Variants in SND1 observed in about 807,000 individuals in gnomAD.
SND1 encodes the protein staphylococcal nuclease domain-containing protein 1.
SND1 carries 38 observed loss-of-function variants against 121.7 expected under a neutral mutation model. The ratio of observed to expected loss-of-function variants is 0.31; its 90% CI spans 0.24 to 0.41. The LOEUF is 0.41. SND1 is among the 10% of genes least tolerant of loss of function. The pLI, the probability that SND1 is intolerant of heterozygous loss-of-function variation, is 1.00. For synonymous variants in SND1, 401 were observed against 447.4 expected (o/e 0.90, Z 1.31); for missense variants, 868 against 1,184.6 (o/e 0.73, Z 3.92).
chr7:128,083,166 T>G (rs1437987119), intron 18 of SND1, among the ~76,000 whole-genome samples: 2 of 152,202 alleles, frequency 1.3e-5, no homozygotes, highest in African/African-American at 4.8e-5. Flanking sequence ...AGAGTCTGTC[T>G]TCAAGAGGGA....
At chr7:127,915,425 T>G (rs1243452001) in intron 14 of SND1, among the ~76,000 whole-genome samples, 1 of 152,248 alleles carries the variant, frequency 6.6e-6, no homozygotes, top group Non-Finnish European at 1.5e-5. Flanking sequence ...TCTCCTGAGT[T>G]CTTTTACTGC....
intron 17 of SND1, 26 bp from the exon 18 acceptor site, chr7:128,081,334 C>T: frequency 6.2e-7 from 1 of 1,613,664 alleles, no homozygotes; most frequent in South Asian, 1.1e-5. Context: ...TCGCCCTCTT[C>T]TCACCTCTGC....
chr7:127,835,000 G>C (rs1204617844), intron 11 of SND1, among the ~76,000 whole-genome samples: 2 of 152,178 alleles, frequency 1.3e-5, no homozygotes, highest in East Asian at 1.9e-4. Flanking sequence ...CAGGGAAATA[G>C]GAGTTTATTG....
intron 12 of SND1, among the ~76,000 whole-genome samples, chr7:127,844,849 T>C (rs867925011): frequency 6.6e-6 from 1 of 152,190 alleles, no homozygotes; most frequent in Non-Finnish European, 1.5e-5. Context: ...CAGTAGACGA[T>C]GAGGTCATCC....
At chr7:127,948,541 G>T (rs1476182398) in intron 15 of SND1, among the ~76,000 whole-genome samples, 1 of 152,212 alleles carries the variant, frequency 6.6e-6, no homozygotes, top group Non-Finnish European at 1.5e-5. Context: ...ACTCTAATTG[G>T]ATAACAGAGC....
At chr7:128,023,545 A>C (rs1011292052) in intron 16 of SND1, among the ~76,000 whole-genome samples, 2 of 152,202 alleles carry the variant, frequency 1.3e-5, no homozygotes, top group African/African-American at 2.4e-5. Flanking sequence ...GGACTAAATC[A>C]GTGCCTTGGG....
chr7:127,881,331 A>G (rs900124936), intron 12 of SND1, among the ~76,000 whole-genome samples: 3 of 152,042 alleles, frequency 2.0e-5, no homozygotes, highest in Non-Finnish European at 4.4e-5. Context: ...TTAAAATTAA[A>G]TTTTTTATGC....
chr7:127,754,563 A>C lies in SND1; in HGVS notation c.1152+33163A>C, dbSNP rs145673004. On this transcript the variant is annotated intron_variant, in intron 10 of 23. Coordinates refer to ENST00000354725, the MANE Select transcript of SND1 (RefSeq NM_014390.4). ...ATTTTACCCTTATCACAGTGGAGGG[A>C]AAGAGAGATGTGGCAATCAAGAGCT... 5.6e-3 allele frequency among the ~76,000 whole-genome samples: 846 copies of C among 152,260 alleles called. 6 individuals are homozygous for C. Among genetic ancestry groups the C allele is most frequent in the African/African-American group, 0.019 (797 of 41,554 alleles).
chr7:127,780,141 C>T (rs1797694007), intron 10 of SND1, among the ~76,000 whole-genome samples: 1 of 152,150 alleles, frequency 6.6e-6, no homozygotes, highest in Non-Finnish European at 1.5e-5. Flanking sequence ...TACCCTGAAG[C>T]AATAGCAATT....
intron 16 of SND1, among the ~76,000 whole-genome samples, chr7:127,994,381 A>C (rs936491001): frequency 6.6e-6 from 1 of 151,636 alleles, no homozygotes; most frequent in Non-Finnish European, 1.5e-5. Context: ...CTTTTACCTG[A>C]GTTGGAAATC....
chr7:128,027,226 G>C (rs1290314767), intron 16 of SND1: 1 of 138,042 alleles, frequency 7.2e-6, no homozygotes, highest in African/African-American at 2.8e-5. Context: ...ATAACTGAAA[G>C]AAGTTACATC....
At chr7:127,855,744 C>T (rs7458839) in intron 12 of SND1, among the ~76,000 whole-genome samples, 45,173 of 152,000 alleles carry the variant, frequency 0.3, 7,334 homozygotes, top group African/African-American at 0.4. Context: ...TCTTTCCCAC[C>T]TCTCTCTCAC....
At chr7:127,653,614 G>A (rs893161582) in intron 1 of SND1, among the ~76,000 whole-genome samples, 1 of 152,154 alleles carries the variant, frequency 6.6e-6, no homozygotes, top group Non-Finnish European at 1.5e-5. Flanking sequence ...TTGGAGATCA[G>A]CCTGGGCAAC....
At position 127,986,466 on chromosome 7, in the gene SND1, A is replaced by C. The variant is rs3808064; in HGVS notation, c.1670-4481A>C. Reference sequence around the variant, plus strand: ...TTTATAGACAGATGAGGCCTGGATAAGTTTAATATTCTATCAGTGGCAGAG... The same window carrying C: ...TTTATAGACAGATGAGGCCTGGATACGTTTAATATTCTATCAGTGGCAGAG... On this transcript the variant is annotated intron_variant, in intron 15 of 23. Coordinates refer to ENST00000354725, the MANE Select transcript of SND1 (RefSeq NM_014390.4). 1.3e-3 allele frequency among the ~76,000 whole-genome samples: 191 copies of C among 152,348 alleles called. 1 individual carries two copies. In the East Asian group the frequency reaches 0.035, roughly 28 times the overall value.
intron 10 of SND1, among the ~76,000 whole-genome samples, chr7:127,787,870 G>A (rs1797839313): frequency 6.6e-6 from 1 of 152,158 alleles, no homozygotes; most frequent in African/African-American, 2.4e-5. Context: ...ACTGGGGGAG[G>A]GGAGGGGAAG....
At chr7:127,891,842 A>G (rs1320686531) in intron 13 of SND1, among the ~76,000 whole-genome samples, 1 of 152,130 alleles carries the variant, frequency 6.6e-6, no homozygotes, top group Non-Finnish European at 1.5e-5. Context: ...GTTTGAATTA[A>G]TTTCCCAAGC....
At chr7:127,921,842 G>A (rs967566591) in intron 14 of SND1, among the ~76,000 whole-genome samples, 3 of 152,182 alleles carry the variant, frequency 2.0e-5, no homozygotes, top group Non-Finnish European at 4.4e-5. Flanking sequence ...ATTCATACGT[G>A]TTGTTGCCCA....
intron 8 of SND1, among the ~76,000 whole-genome samples, chr7:127,706,451 G>A (rs923395455): frequency 2.0e-5 from 3 of 151,892 alleles, no homozygotes; most frequent in African/African-American, 7.3e-5. Flanking sequence ...GTGGAGACTG[G>A]GTTTCACCAC....
intron 15 of SND1, among the ~76,000 whole-genome samples, chr7:127,978,106 G>T (rs1052511985): frequency 6.6e-6 from 1 of 152,158 alleles, no homozygotes; most frequent in Non-Finnish European, 1.5e-5. Context: ...AATGGAGAAG[G>T]TGAGAATGGA....
Sources: allele counts gnomAD v4.1 joint callset (sites outside exome capture counted in the v4.1 genomes callset), GRCh38; gene constraint gnomAD v4.1.1; transcripts MANE v1.5; gene names NCBI Gene and HGNC (gene_info 2026-07-23, HGNC 2026-07-21).